The following KCP variants were observed in gnomAD, a reference collection of about 807,000 sequenced individuals.
The protein encoded by KCP is kielin cysteine rich BMP regulator.
Under a neutral mutation model 212.7 loss-of-function variants are expected in KCP, and 194 were observed. The observed-to-expected ratio is 0.91, with a 90% CI of 0.81 to 1.03. The LOEUF (loss-of-function observed/expected upper bound fraction) is 1.03. KCP is among the 50% of genes least tolerant of loss of function. The pLI is 0.00. For missense variants in KCP, 2,080 were observed against 2,162.5 expected, an observed-to-expected ratio of 0.96 and a Z score of 0.76; for synonymous variants, 833 against 865.3, an observed-to-expected ratio of 0.96 and a Z score of 0.65.
rs1364845521 is a variant in KCP at position 128,878,613 on chromosome 7, T to A, written c.4256A>T (p.Gln1419Leu). Reference sequence around the variant, plus strand: ...GGGCAGGAGCAGCCCCTCAGGGCCCTGCAGATCGTCCTGGGCAAAGCCATT... The same window carrying A: ...GGGCAGGAGCAGCCCCTCAGGGCCCAGCAGATCGTCCTGGGCAAAGCCATT... ...NFNGFAQDDLQGPEGLLLPSE... is the reference protein window; with the variant it reads ...NFNGFAQDDLLGPEGLLLPSE... The change falls in exon 38 of 40, where the codon CAG becomes CTG. Residue 1419 changes from glutamine to leucine, a missense_variant. Physicochemically the swap from Gln to Leu is moderately radical, Grantham distance 113. Transcript: ENST00000610776. 1 of 1,551,416 alleles carries A rather than the reference T, an allele frequency of 6.4e-7. No individual in the cohort carries two copies. Among genetic ancestry groups the A allele is most frequent in the Admixed American group, 2.0e-5 (1 of 50,976 alleles).
rs559607358 is a variant in KCP at position 128,897,818 on chromosome 7, T to C, written c.832-3525A>G. On this transcript the variant is annotated intron_variant, in intron 8 of 39. Coordinates refer to ENST00000610776, the MANE Select transcript of KCP (RefSeq NM_001366122.1). ...TCTCCTAGCTATGCAAAGAAGGTTA[T>C]AAAGCAAAGAGATTTTATATAAGAA... Among the ~76,000 whole-genome samples, 5 of 152,288 alleles carry C rather than the reference T, an allele frequency of 3.3e-5. No individual in the cohort carries two copies. The East Asian group carries it at 9.6e-4, about 29-fold the overall frequency.
intron 39 of KCP, 58 bp from the exon 40 acceptor site, chr7:128,877,369 T>C: frequency 1.3e-6 from 2 of 1,527,120 alleles, no homozygotes; most frequent in East Asian, 4.9e-5. Context: ...CCAGTTGCTG[T>C]GCGTACCCCT....
chr7:128,891,540 G>A lies in KCP; in HGVS notation c.1796-7C>T, dbSNP rs1288139548. 4 of 1,547,250 alleles carry A rather than the reference G, an allele frequency of 2.6e-6. No individual in the cohort carries two copies. The highest frequency in any genetic ancestry group is 2.4e-5 in the East Asian group (1 of 40,898). On this transcript the variant is annotated splice_polypyrimidine_tract_variant and splice_region_variant and intron_variant, in intron 17 of 39. Coordinates refer to ENST00000610776, the MANE Select transcript of KCP (RefSeq NM_001366122.1). ...TTCCCGCCAAAGGCACAGCCTGGGG[G>A]AGGGAGGGGCTATAGCCTGGGAGAG...
Position 128,907,460 on chromosome 7 carries a change from G to A in KCP, c.220-7C>T. 3 of 1,460,368 alleles carry A rather than the reference G, an allele frequency of 2.1e-6. No individual in the cohort carries two copies. The highest frequency in any genetic ancestry group is 1.4e-5 in the South Asian group (1 of 72,084). The allele number at this position is 1,460,368 out of a possible 1,614,324, so 90.5% of individuals were successfully genotyped here. ...TCGTCTGCAGGTCCTTATTCTGGAG[G>A]AAGGAGATGGAATAGCAGGCACTGG... On this transcript the variant is annotated splice_region_variant and splice_polypyrimidine_tract_variant and intron_variant, in intron 2 of 39. Transcript: ENST00000610776.
At chr7:128,883,013 C>T (rs981322366) in intron 29 of KCP, among the ~76,000 whole-genome samples, 5 of 151,682 alleles carry the variant, frequency 3.3e-5, no homozygotes, top group African/African-American at 9.7e-5. Context: ...TGCAGTGAGC[C>T]GAGATTGTGC....
At chr7:128,904,602 T>A (rs1024084990) in intron 5 of KCP, among the ~76,000 whole-genome samples, 1 of 152,222 alleles carries the variant, frequency 6.6e-6, no homozygotes, top group Admixed American at 6.5e-5. Flanking sequence ...GCCGGCAGTC[T>A]GCCCAGCAGC....
rs1047689881 is a variant in KCP at position 128,891,589 on chromosome 7, C to A, written c.1796-56G>T. On this transcript the variant is annotated intron_variant, in intron 17 of 39. Transcript: ENST00000610776. Reference sequence around the variant, plus strand: ...AGGGCGACTGCCCCAGGGCGTGCTGCCTTCCGGGGGCCATGCCATCCCATC... The same window carrying A: ...AGGGCGACTGCCCCAGGGCGTGCTGACTTCCGGGGGCCATGCCATCCCATC... 3 of 1,522,182 alleles carry A rather than the reference C, an allele frequency of 2.0e-6. No homozygotes were observed. In the African/African-American group the frequency reaches 4.1e-5, roughly 21 times the overall value. 94.3% of individuals were successfully genotyped at this position (1,522,182 alleles called of 1,614,324 possible).
chr7:128,878,532 C>A, intron 38 of KCP, 26 bp downstream of exon 38: 1 of 1,545,340 alleles, frequency 6.5e-7, no homozygotes, highest in Non-Finnish European at 8.7e-7. Context: ...CCCCTAATCC[C>A]CATCCCCGGT....
intron 30 of KCP, 103 bp downstream of exon 30, chr7:128,881,834 C>CTCTCCATTCGCCCT: frequency 7.2e-7 from 1 of 1,390,382 alleles, no homozygotes; most frequent in Non-Finnish European, 9.9e-7. Context: ...AATGTCAGGG[C>CTCTCCATTCGCCCT]GAATGGAGAG....
In KCP at chr7:128,888,857, C is replaced by G; in HGVS notation, c.2512+6G>C. 3.2e-6 allele frequency: 5 copies of G among 1,547,772 alleles called. No homozygotes were observed. The highest frequency in any genetic ancestry group is 4.4e-6 in the Non-Finnish European group (5 of 1,146,260). ...AGGGGGAATGGAAGGGCAGGTGTGG[C>G]TCTACCCTGGCAGGTCGGGCAGCAG... On this transcript the variant is annotated splice_donor_region_variant and intron_variant, in intron 22 of 39. Transcript: ENST00000610776.
intron 38 of KCP, among the ~76,000 whole-genome samples, chr7:128,878,160 G>T (rs1793103900): frequency 1.3e-5 from 2 of 151,448 alleles, no homozygotes; most frequent in African/African-American, 2.4e-5. Flanking sequence ...GGGTTCAAGT[G>T]ATTCTCCTGC....
At chr7:128,908,699 C>T (rs1432842316) in intron 1 of KCP, 131 bp from the exon 2 acceptor site, 5 of 997,476 alleles carry the variant, frequency 5.0e-6, no homozygotes, top group African/African-American at 4.9e-5. Flanking sequence ...AATTGCCCAC[C>T]CACCATCCAG....
At chr7:128,899,047 A>C (rs564215425) in intron 8 of KCP, among the ~76,000 whole-genome samples, 25 of 152,348 alleles carry the variant, frequency 1.6e-4, no homozygotes, top group African/African-American at 5.3e-4. Context: ...CCCGTGCAAC[A>C]GTGACATTTG....
Position 128,910,706 on chromosome 7 carries a change from T to G in KCP, c.-30A>C, listed in dbSNP as rs1563059353. On this transcript the variant is annotated 5_prime_UTR_variant, in exon 1 of 40. Coordinates refer to ENST00000610776, the MANE Select transcript of KCP (RefSeq NM_001366122.1). ...GCTCCGCCTCGCTCGGCTCGCCGTCTGTCGTCGCGGCTCAGCAGGCGCTGG... is the reference window on the plus strand; with the variant it reads ...GCTCCGCCTCGCTCGGCTCGCCGTCGGTCGTCGCGGCTCAGCAGGCGCTGG... 9 of 1,462,706 alleles carry G rather than the reference T, an allele frequency of 6.2e-6. No individual in the cohort carries two copies. Among genetic ancestry groups the G allele is most frequent in the Non-Finnish European group, 7.2e-6 (8 of 1,113,182 alleles). 90.6% of individuals were successfully genotyped at this position (1,462,706 alleles called of 1,614,324 possible).
At chr7:128,884,968 G>A (rs1402651915) in intron 27 of KCP, 105 bp from the exon 28 acceptor site, 2 of 1,483,284 alleles carry the variant, frequency 1.3e-6, no homozygotes, top group Non-Finnish European at 1.8e-6. Flanking sequence ...CCCAGGGAGT[G>A]GAGTGTGCAC....
At chr7:128,893,200 G>T (rs894889128) in intron 13 of KCP, 38 bp downstream of exon 13, 11 of 1,540,148 alleles carry the variant, frequency 7.1e-6, no homozygotes, top group Non-Finnish European at 8.8e-6. Flanking sequence ...CTCAGAGGCA[G>T]CGCCCATAGC....
chr7:128,893,088 AC>A (rs1794278295), intron 13 of KCP, 67 bp from the exon 14 acceptor site: 10 of 941,216 alleles, frequency 1.1e-5, no homozygotes, highest in Admixed American at 2.0e-5. Flanking sequence ...TTCCCAGGAC[AC>A]AGGGACCCCA....
intron 34 of KCP, 98 bp downstream of exon 34, chr7:128,880,288 G>A: frequency 2.1e-6 from 3 of 1,416,334 alleles, no homozygotes; most frequent in Non-Finnish European, 1.9e-6. Context: ...CTGGCGGCAG[G>A]AGCCCAGCCT....
chr7:128,889,028 G>C lies in KCP; in HGVS notation c.2347C>G (p.Leu783Val). 1 of 1,509,448 alleles carries C rather than the reference G, an allele frequency of 6.6e-7. No homozygotes were observed. The allele number at this position is 1,509,448 out of a possible 1,614,324, so 93.5% of individuals were successfully genotyped here. A position where few individuals can be genotyped will look rare whatever the true frequency, so the allele number is the denominator to read the frequency against. The change falls in exon 22 of 40, where the codon CTG (leucine) becomes GTG (valine). Residue 783 changes from leucine (L) to valine (V), a missense_variant. By Grantham distance (32) the Leu-to-Val change is conservative. Transcript: ENST00000610776. ...CCPDCDGCEY[L>V]GESYLSNQEF... Reference sequence around the variant, plus strand: ...TGGTTACTCAGGTAGGACTCCCCCAGGTACTCACAGCCTTTCAGAGAAGAG... The same window carrying C: ...TGGTTACTCAGGTAGGACTCCCCCACGTACTCACAGCCTTTCAGAGAAGAG...
Sources: allele counts gnomAD v4.1 joint callset (sites outside exome capture counted in the v4.1 genomes callset), GRCh38; gene constraint gnomAD v4.1.1; transcripts MANE v1.5; gene names NCBI Gene and HGNC (gene_info 2026-07-23, HGNC 2026-07-21).